Variants in SRPK2 observed in about 807,000 individuals in gnomAD.
The protein encoded by SRPK2 is SFRS protein kinase 2.
SRPK2 carries 21 observed loss-of-function variants against 90.8 expected under a neutral mutation model. That is an observed-to-expected ratio of 0.23 (90% CI 0.16 to 0.33). The LOEUF is 0.33. SRPK2 is among the 10% of genes least tolerant of loss of function. SRPK2 has a pLI of 1.00. For synonymous variants in SRPK2, 288 were observed against 311.1 expected, an observed-to-expected ratio of 0.93 and a Z score of 0.78; for missense variants, 620 against 869.0, an observed-to-expected ratio of 0.71 and a Z score of 3.60.
At position 105,117,804 on chromosome 7, in the gene SRPK2, T is replaced by C. The variant is rs775075539; in HGVS notation, c.*34A>G. The C allele has an allele frequency of 2.5e-6, 4 of 1,609,054 alleles. No individual in the cohort carries two copies. Among genetic ancestry groups the C allele is most frequent in the Non-Finnish European group, 2.5e-6 (3 of 1,177,474 alleles). On this transcript the variant is annotated 3_prime_UTR_variant, in exon 16 of 16. Transcript: ENST00000393651. ...TTTAGGTCCAATGTACTGGGAACAT[T>C]TGCTAGCTCAGAATGCAATATTGGT...
chr7:105,313,192 T>G (rs1403426520), intron 2 of SRPK2, among the ~76,000 whole-genome samples: 3 of 151,844 alleles, frequency 2.0e-5, no homozygotes, highest in Non-Finnish European at 2.9e-5. Flanking sequence ...AAGCCTGTAA[T>G]CCCAGCACTT....
At chr7:105,162,866 T>C (rs923552017) in intron 6 of SRPK2, among the ~76,000 whole-genome samples, 3 of 152,326 alleles carry the variant, frequency 2.0e-5, no homozygotes, top group South Asian at 2.1e-4. Context: ...AAAACCTCTA[T>C]TTACCCACGG....
At chr7:105,180,125 C>T (rs552599641) in intron 3 of SRPK2, among the ~76,000 whole-genome samples, 1 of 152,186 alleles carries the variant, frequency 6.6e-6, no homozygotes, top group Admixed American at 6.5e-5. Context: ...CAAGGCAATC[C>T]TAAGCAAAAA....
intron 2 of SRPK2, among the ~76,000 whole-genome samples, chr7:105,216,202 T>C (rs1015250949): frequency 2.0e-5 from 3 of 152,210 alleles, no homozygotes; most frequent in African/African-American, 7.2e-5. Flanking sequence ...AAAGTTGTTA[T>C]GCAAAAATAA....
intron 2 of SRPK2, among the ~76,000 whole-genome samples, chr7:105,307,010 G>T (rs972698634): frequency 6.6e-6 from 1 of 152,126 alleles, no homozygotes; most frequent in Non-Finnish European, 1.5e-5. Flanking sequence ...GAAAGAGACC[G>T]AATAGCAGGC....
In SRPK2 at chr7:105,284,323, C is replaced by CAAA. The variant is rs1197743103; in HGVS notation, c.72-80541_72-80539dup. ...TCCAAACAGAAAAAAATGGTACATGCAAAGCTACAGAGAACCTCTCGTGTA... is the reference window on the plus strand; with the variant it reads ...TCCAAACAGAAAAAAATGGTACATGCAAAAAAGCTACAGAGAACCTCTCGTGTA... On this transcript the variant is annotated intron_variant, in intron 2 of 15. Transcript: ENST00000393651. 4.6e-5 allele frequency among the ~76,000 whole-genome samples: 7 copies of CAAA among 152,264 alleles called. No homozygotes were observed. In the South Asian group the frequency reaches 1.5e-3, roughly 32 times the overall value.
chr7:105,396,442 C>A (rs578040549), intron 1 of SRPK2, among the ~76,000 whole-genome samples: 2 of 151,758 alleles, frequency 1.3e-5, no homozygotes, highest in African/African-American at 4.8e-5. Flanking sequence ...TAGAGAACAT[C>A]CTGGCTAACA....
chr7:105,191,837 C>G (rs528752862), intron 3 of SRPK2, among the ~76,000 whole-genome samples: 48 of 151,052 alleles, frequency 3.2e-4, no homozygotes, highest in Middle Eastern at 6.9e-3. Flanking sequence ...TCTTTAAAAC[C>G]TACACTGGTT....
intron 3 of SRPK2, among the ~76,000 whole-genome samples, chr7:105,181,749 G>C (rs1443752655): frequency 6.6e-6 from 1 of 151,778 alleles, no homozygotes; most frequent in African/African-American, 2.4e-5. Flanking sequence ...GAGAGAATTA[G>C]AAAAAACATC....
intron 2 of SRPK2, among the ~76,000 whole-genome samples, chr7:105,274,331 G>A (rs953753292): frequency 6.6e-6 from 1 of 152,134 alleles, no homozygotes; most frequent in Non-Finnish European, 1.5e-5. Flanking sequence ...GGAGGCCCAC[G>A]TGGGCGGATC....
intron 13 of SRPK2, among the ~76,000 whole-genome samples, chr7:105,131,580 A>G (rs1473973490): frequency 6.6e-6 from 1 of 152,208 alleles, no homozygotes; most frequent in African/African-American, 2.4e-5. Context: ...GCTGACTCAG[A>G]TCATGCTGAG....
intron 2 of SRPK2, among the ~76,000 whole-genome samples, chr7:105,295,449 A>G (rs1297433008): frequency 6.6e-6 from 1 of 152,198 alleles, no homozygotes; most frequent in Non-Finnish European, 1.5e-5. Context: ...CATACAATGG[A>G]GTATTATTCA....
intron 2 of SRPK2, among the ~76,000 whole-genome samples, chr7:105,350,112 C>T (rs1816979025): frequency 6.7e-6 from 1 of 149,736 alleles, no homozygotes; most frequent in South Asian, 2.1e-4. Flanking sequence ...CTCACAATAA[C>T]CCTGTAGTTG....
chr7:105,344,113 A>C (rs1348679449), intron 2 of SRPK2, among the ~76,000 whole-genome samples: 1 of 152,152 alleles, frequency 6.6e-6, no homozygotes, highest in African/African-American at 2.4e-5. Context: ...CCCAGAGGTT[A>C]GCAAATGCTT....
intron 2 of SRPK2, among the ~76,000 whole-genome samples, chr7:105,218,103 T>C (rs1005802112): frequency 6.6e-6 from 1 of 152,144 alleles, no homozygotes; most frequent in Admixed American, 6.5e-5. Context: ...GGAGAAGGTA[T>C]GGCAGCAAGA....
chr7:105,233,330 A>C (rs1195254480), intron 2 of SRPK2, among the ~76,000 whole-genome samples: 2 of 152,340 alleles, frequency 1.3e-5, no homozygotes, highest in East Asian at 3.9e-4. Flanking sequence ...AAAATATGCA[A>C]GACTTCATGG....
intron 2 of SRPK2, among the ~76,000 whole-genome samples, chr7:105,241,191 G>A (rs760685031): frequency 7.2e-5 from 11 of 152,182 alleles, no homozygotes; most frequent in Non-Finnish European, 1.3e-4. Context: ...TAACAGGACT[G>A]TAAAGCTAAA....
intron 2 of SRPK2, among the ~76,000 whole-genome samples, chr7:105,206,139 C>T (rs1170111620): frequency 6.6e-6 from 1 of 152,144 alleles, no homozygotes; most frequent in South Asian, 2.1e-4. Flanking sequence ...CAGTAGCACA[C>T]AGCCCCCCAC....
At chr7:105,230,890 T>C (rs1020559937) in intron 2 of SRPK2, among the ~76,000 whole-genome samples, 3 of 152,214 alleles carry the variant, frequency 2.0e-5, no homozygotes, top group South Asian at 2.1e-4. Flanking sequence ...AGCCAACATA[T>C]TGTTAATACT....
Sources: allele counts gnomAD v4.1 joint callset (sites outside exome capture counted in the v4.1 genomes callset), GRCh38; gene constraint gnomAD v4.1.1; transcripts MANE v1.5; gene names NCBI Gene and HGNC (gene_info 2026-07-23, HGNC 2026-07-21).